The following TRPS1 variants were observed in gnomAD, a reference collection of about 807,000 sequenced individuals.
TRPS1 encodes the protein zinc finger transcription factor Trps1.
A neutral mutation model predicts 101.2 loss-of-function variants in TRPS1; 6 were observed. That is an observed-to-expected ratio of 0.06 (90% CI 0.03 to 0.12). TRPS1 has a LOEUF of 0.12. Ranked by LOEUF, TRPS1 falls within the 10% of genes least tolerant of loss-of-function variation. TRPS1 has a pLI of 1.00. For synonymous variants in TRPS1, 578 were observed against 589.8 expected (o/e 0.98, Z 0.29); for missense variants, 1,363 against 1,567.0 (o/e 0.87, Z 2.20).
chr8:115,543,887 G>A (rs1377575926), intron 5 of TRPS1, among the ~76,000 whole-genome samples: 2 of 151,960 alleles, frequency 1.3e-5, no homozygotes, highest in South Asian at 2.1e-4. Context: ...CAACACGTTC[G>A]ATGCTCATGT....
At chr8:115,557,583 T>C (rs1370662228) in intron 5 of TRPS1, among the ~76,000 whole-genome samples, 2 of 152,174 alleles carry the variant, frequency 1.3e-5, no homozygotes, top group South Asian at 2.1e-4. Flanking sequence ...TCAGCTTTCA[T>C]TCTTCTCTCT....
chr8:115,561,520 G>A (rs1050307689), intron 5 of TRPS1, among the ~76,000 whole-genome samples: 1 of 151,520 alleles, frequency 6.6e-6, no homozygotes, highest in African/African-American at 2.4e-5. Flanking sequence ...AACAAGGGGT[G>A]CAATTTGGGG....
intron 5 of TRPS1, among the ~76,000 whole-genome samples, chr8:115,466,541 C>T (rs1814323146): frequency 1.3e-5 from 2 of 151,856 alleles, no homozygotes; most frequent in Non-Finnish European, 2.9e-5. Context: ...ATTAGTATGC[C>T]GAAGAGCTTA....
chr8:115,423,326 C>T (rs1400752082), intron 5 of TRPS1, among the ~76,000 whole-genome samples: 1 of 152,170 alleles, frequency 6.6e-6, no homozygotes, highest in Non-Finnish European at 1.5e-5. Flanking sequence ...AATAATGGTA[C>T]AAACAGTTAA....
intron 5 of TRPS1, among the ~76,000 whole-genome samples, chr8:115,527,440 TC>T (rs1816026112): frequency 6.6e-6 from 1 of 152,036 alleles, no homozygotes; most frequent in Non-Finnish European, 1.5e-5. Context: ...ATCATACTAT[TC>T]CTGACAACTT....
intron 5 of TRPS1, among the ~76,000 whole-genome samples, chr8:115,468,738 T>C (rs1814389571): frequency 6.6e-6 from 1 of 152,158 alleles, no homozygotes; most frequent in Admixed American, 6.5e-5. Context: ...TTTTCTCCAA[T>C]CCTCCACAAA....
chr8:115,535,325 AGCATATATAGC>A (rs1217009820), intron 5 of TRPS1, among the ~76,000 whole-genome samples: 2 of 147,838 alleles, frequency 1.4e-5, no homozygotes, highest in Non-Finnish European at 3.0e-5. Flanking sequence ...GCATATATAG[AGCATATATAGC>A]GCATATATAT....
At chr8:115,571,141 G>A (rs1817193764) in intron 5 of TRPS1, among the ~76,000 whole-genome samples, 1 of 152,124 alleles carries the variant, frequency 6.6e-6, no homozygotes, top group East Asian at 1.9e-4. Flanking sequence ...TTCAAGTTTG[G>A]AAATAACTAC....
At chr8:115,464,382 G>A (rs1403374874) in intron 5 of TRPS1, among the ~76,000 whole-genome samples, 4 of 152,088 alleles carry the variant, frequency 2.6e-5, no homozygotes, top group Non-Finnish European at 4.4e-5. Flanking sequence ...ATAGAATTCA[G>A]TAGAGAAAAT....
intron 3 of TRPS1, among the ~76,000 whole-genome samples, chr8:115,611,279 A>G (rs1192173119): frequency 6.6e-6 from 1 of 152,164 alleles, no homozygotes; most frequent in Non-Finnish European, 1.5e-5. Context: ...TTCATAATGG[A>G]GATATGTCAG....
chr8:115,642,842 G>GAAA (rs55943562), intron 1 of TRPS1, among the ~76,000 whole-genome samples: 31,190 of 142,626 alleles, frequency 0.22, 3,777 homozygotes, highest in Admixed American at 0.28. Context: ...CTTACTTCGT[G>GAAA]AAAAAAAATA....
At chr8:115,651,478 C>A (rs566928215) in intron 1 of TRPS1, among the ~76,000 whole-genome samples, 1 of 152,292 alleles carries the variant, frequency 6.6e-6, no homozygotes, top group East Asian at 1.9e-4. Context: ...ACCTGAAAGT[C>A]TATGTTGCCA....
chr8:115,614,861 T>C (rs980979521), intron 3 of TRPS1, among the ~76,000 whole-genome samples: 4 of 152,182 alleles, frequency 2.6e-5, no homozygotes, highest in African/African-American at 9.7e-5. Context: ...TAATGGTCTC[T>C]GATTTTTTTT....
intron 1 of TRPS1, among the ~76,000 whole-genome samples, chr8:115,627,996 C>T (rs575535079): frequency 1.7e-4 from 26 of 151,756 alleles, no homozygotes; most frequent in African/African-American, 5.8e-4. Flanking sequence ...ATTAAAAGTG[C>T]CAAATTTAAT....
At chr8:115,533,391 T>C (rs1816183346) in intron 5 of TRPS1, among the ~76,000 whole-genome samples, 1 of 139,886 alleles carries the variant, frequency 7.1e-6, no homozygotes. Flanking sequence ...TTTCTGATTC[T>C]GAACAAGACC....
At chr8:115,542,450 AT>A (rs1162127110) in intron 5 of TRPS1, among the ~76,000 whole-genome samples, 1 of 151,098 alleles carries the variant, frequency 6.6e-6, no homozygotes, top group East Asian at 2.0e-4. Flanking sequence ...TGATTTATTT[AT>A]TTCTGGGGGC....
chr8:115,519,162 C>T (rs1815795517), intron 5 of TRPS1, among the ~76,000 whole-genome samples: 1 of 150,678 alleles, frequency 6.6e-6, no homozygotes, highest in Non-Finnish European at 1.5e-5. Flanking sequence ...TTTTCGTGGA[C>T]AGTAAATTGG....
intron 5 of TRPS1, among the ~76,000 whole-genome samples, chr8:115,510,481 C>G (rs1340060679): frequency 6.6e-6 from 1 of 151,930 alleles, no homozygotes; most frequent in African/African-American, 2.4e-5. Context: ...AAATCTTAAG[C>G]TATCTATTAA....
chr8:115,519,038 G>A (rs886148430), intron 5 of TRPS1, among the ~76,000 whole-genome samples: 11 of 151,750 alleles, frequency 7.2e-5, no homozygotes, highest in African/African-American at 2.7e-4. Context: ...CCAGCAACAT[G>A]AAGTGATGAA....
Sources: gnomAD v4.1 joint callset for allele counts (sites outside exome capture counted in the v4.1 genomes callset) on GRCh38, gnomAD v4.1.1 for gene constraint, MANE v1.5 for transcripts, NCBI Gene and HGNC (gene_info 2026-07-23, HGNC 2026-07-21) for gene names.